DMD: variants seen among roughly 807,000 people sequenced by gnomAD.
DMD encodes dystrophin.
Under a neutral mutation model 330.1 loss-of-function variants are expected in DMD, and 63 were observed. That is an observed-to-expected ratio of 0.19 (90% CI 0.16 to 0.24). DMD has a LOEUF of 0.24. Among genes scored for constraint, DMD ranks in the 10% least tolerant of loss-of-function variants. DMD has a pLI of 1.00. For missense variants in DMD, 3,344 were observed against 2,684.1 expected (o/e 1.25, Z -5.43); for synonymous variants, 1,223 against 959.8 (o/e 1.27, Z -5.07).
intron 17 of DMD, among the ~76,000 whole-genome samples, chrX:32,530,184 G>A (rs184383228): frequency 8.9e-6 from 1 of 111,996 alleles, no homozygotes; most frequent in East Asian, 2.8e-4. Flanking sequence ...ATGGCATACC[G>A]AATTATATAC....
At position 32,784,365 on chromosome X, in the gene DMD, T is replaced by A. The variant is rs765076835; in HGVS notation, c.649+25128A>T. Among the ~76,000 whole-genome samples, 8 of 111,828 alleles carry A rather than the reference T, an allele frequency of 7.2e-5. No homozygotes were observed. The East Asian group carries it at 2.3e-3, about 32-fold the overall frequency. On this transcript the variant is annotated intron_variant, in intron 7 of 78. Transcript: ENST00000357033. ...AGTTTCACTTGTAAAAATCCATTGCTCAAACCTAAGGATGGTGGGGGGACA... is the reference window on the plus strand; with the variant it reads ...AGTTTCACTTGTAAAAATCCATTGCACAAACCTAAGGATGGTGGGGGGACA...
intron 60 of DMD, among the ~76,000 whole-genome samples, chrX:31,408,988 A>G (rs2061525406): frequency 9.2e-6 from 1 of 108,434 alleles, no homozygotes; most frequent in Non-Finnish European, 1.9e-5. Context: ...TCCTTTGTCC[A>G]TGTGTTCTCA....
intron 41 of DMD, among the ~76,000 whole-genome samples, chrX:32,335,420 GTATA>G (rs1197330472): frequency 9.8e-6 from 1 of 102,301 alleles, no homozygotes. Flanking sequence ...TATATAACTT[GTATA>G]TATATGTTAT....
intron 44 of DMD, among the ~76,000 whole-genome samples, chrX:31,971,171 T>C (rs1418875860): frequency 2.7e-5 from 3 of 111,647 alleles, no homozygotes; most frequent in African/African-American, 3.3e-5. Context: ...CCTCTTTGAG[T>C]TGTAAGGTAA....
intron 7 of DMD, among the ~76,000 whole-genome samples, chrX:32,769,341 C>G (rs983602367): frequency 9.0e-6 from 1 of 111,138 alleles, no homozygotes; most frequent in Admixed American, 9.6e-5. Context: ...TCAGATCTCA[C>G]GAGACTTACC....
At chrX:32,606,273 A>T (rs762072898) in intron 12 of DMD, among the ~76,000 whole-genome samples, 7 of 110,349 alleles carry the variant, frequency 6.3e-5, no homozygotes, top group African/African-American at 2.3e-4. Context: ...AAGTCAGAAC[A>T]TAAGAGATGT....
chrX:33,020,762 A>C (rs188199970), intron 1 of DMD, among the ~76,000 whole-genome samples: 2 of 111,868 alleles, frequency 1.8e-5, no homozygotes, highest in South Asian at 7.5e-4. Flanking sequence ...TCTCCTCTGA[A>C]TAACAGTATT....
chrX:31,264,140 T>C lies in DMD; in HGVS notation c.9225-3124A>G, dbSNP rs147387441. 5.1e-3 allele frequency among the ~76,000 whole-genome samples: 574 copies of C among 112,432 alleles called. 3 individuals carry two copies. Among genetic ancestry groups the C allele is most frequent in the African/African-American group, 0.018 (556 of 30,943 alleles). Reference sequence around the variant, plus strand: ...TTTTGTCTGTGATCAATACCGATTTTACAGCTTCGTTTCTTACTCTGTGCC... The same window carrying C: ...TTTTGTCTGTGATCAATACCGATTTCACAGCTTCGTTTCTTACTCTGTGCC... On this transcript the variant is annotated intron_variant, in intron 62 of 78. Coordinates refer to ENST00000357033, the MANE Select transcript of DMD (RefSeq NM_004006.3).
intron 55 of DMD, among the ~76,000 whole-genome samples, chrX:31,561,483 C>T (rs7050031): frequency 6.2e-4 from 69 of 112,146 alleles, no homozygotes; most frequent in African/African-American, 1.9e-3. Flanking sequence ...CAGGCCAATA[C>T]ACATCATATT....
At chrX:33,180,454 C>T (rs973814977) in intron 1 of DMD, among the ~76,000 whole-genome samples, 1 of 111,826 alleles carries the variant, frequency 8.9e-6, no homozygotes, top group Admixed American at 9.5e-5. Flanking sequence ...CATGCACACA[C>T]ATACACACAG....
intron 7 of DMD, among the ~76,000 whole-genome samples, chrX:32,777,276 T>TGGGGGGGGGGGGGGGGGGGGGGG (rs1373161447): frequency 2.0e-3 from 1 of 506 alleles, no homozygotes; most frequent in Non-Finnish European, 2.6e-3. Context: ...TGGTTTCTGG[T>TGGGGGGGGGGGGGGGGGGGGGGG]TGGGGGGGGA....
intron 44 of DMD, among the ~76,000 whole-genome samples, chrX:32,050,909 C>T (rs1231093196): frequency 3.7e-5 from 4 of 108,687 alleles, no homozygotes; most frequent in Non-Finnish European, 5.7e-5. Flanking sequence ...ATATGAATAA[C>T]GTGAATCATG....
chrX:31,267,174 C>T (rs2051249228), intron 62 of DMD, among the ~76,000 whole-genome samples: 1 of 111,842 alleles, frequency 8.9e-6, no homozygotes, highest in Non-Finnish European at 1.9e-5. Context: ...ACCTGGAAGC[C>T]ACACACCGCT....
chrX:32,074,540 A>G (rs964725643), intron 44 of DMD, among the ~76,000 whole-genome samples: 3 of 111,943 alleles, frequency 2.7e-5, no homozygotes, highest in Non-Finnish European at 5.6e-5. Flanking sequence ...AAAGAATAAT[A>G]CAACTTTGCA....
intron 43 of DMD, among the ~76,000 whole-genome samples, chrX:32,273,521 A>C (rs2097373558): frequency 9.1e-6 from 1 of 109,518 alleles, no homozygotes; most frequent in Non-Finnish European, 1.9e-5. Context: ...TTCATGACTG[A>C]ACAGTTTTTA....
intron 7 of DMD, among the ~76,000 whole-genome samples, chrX:32,709,830 T>TA (rs1302272138): frequency 8.9e-6 from 1 of 111,736 alleles, no homozygotes; most frequent in African/African-American, 3.3e-5. Flanking sequence ...GTTTATTTTT[T>TA]ATATAAGAAT....
intron 52 of DMD, among the ~76,000 whole-genome samples, chrX:31,706,091 A>T (rs1336737451): frequency 9.1e-6 from 1 of 109,893 alleles, no homozygotes; most frequent in African/African-American, 3.3e-5. Context: ...CATGGCTGAC[A>T]AGAGATTGGA....
At chrX:32,671,424 C>G (rs1301886727) in intron 9 of DMD, among the ~76,000 whole-genome samples, 1 of 110,689 alleles carries the variant, frequency 9.0e-6, no homozygotes, top group Admixed American at 9.6e-5. Flanking sequence ...CAAAATTGAC[C>G]CTATATAAAT....
At chrX:32,879,018 C>CAACAAAA (rs1569538210) in intron 2 of DMD, among the ~76,000 whole-genome samples, 7 of 95,332 alleles carry the variant, frequency 7.3e-5, no homozygotes, top group African/African-American at 2.7e-4. Flanking sequence ...AAAAAAAAAA[C>CAACAAAA]AAAAAACAAA....
Sources: gnomAD v4.1 joint callset for allele counts (sites outside exome capture counted in the v4.1 genomes callset) on GRCh38, gnomAD v4.1.1 for gene constraint, MANE v1.5 for transcripts, NCBI Gene and HGNC (gene_info 2026-07-23, HGNC 2026-07-21) for gene names.